The following PPM1L variants were observed in gnomAD, a reference collection of about 807,000 sequenced individuals.
The protein encoded by PPM1L is protein phosphatase, Mg2+/Mn2+ dependent 1L, also known as protein phosphatase 1L.
PPM1L carries 13 observed loss-of-function variants against 31.4 expected under a neutral mutation model. The ratio of observed to expected loss-of-function variants is 0.41; its 90% confidence interval spans 0.27 to 0.66. The LOEUF (loss-of-function observed/expected upper bound fraction) is 0.66. Ranked by LOEUF, PPM1L falls within the 30% of genes least tolerant of loss-of-function variation. The pLI, the probability that PPM1L is intolerant of heterozygous loss-of-function variation, is 0.29. For synonymous variants in PPM1L, 184 were observed against 175.4 expected (o/e 1.05, Z -0.39); for missense variants, 326 against 453.7 (o/e 0.72, Z 2.56).
At chr3:160,990,114 C>G (rs1717083980) in intron 2 of PPM1L, among the ~76,000 whole-genome samples, 2 of 152,186 alleles carry the variant, frequency 1.3e-5, no homozygotes, top group Non-Finnish European at 2.9e-5. Flanking sequence ...CCCGCCTCAG[C>G]CTACCAAGTA....
chr3:160,780,121 C>A (rs1472979373), intron 1 of PPM1L, among the ~76,000 whole-genome samples: 5 of 152,004 alleles, frequency 3.3e-5, no homozygotes, highest in African/African-American at 1.2e-4. Flanking sequence ...AACTCCTGGG[C>A]AAGTGATCCT....
At chr3:160,956,007 T>C (rs1477197131) in intron 1 of PPM1L, among the ~76,000 whole-genome samples, 1 of 152,144 alleles carries the variant, frequency 6.6e-6, no homozygotes, top group Non-Finnish European at 1.5e-5. Context: ...TGAAATATAC[T>C]TTTGCACCAC....
At position 161,069,134 on chromosome 3, in the gene PPM1L, A is replaced by G. The variant is rs1472416508; in HGVS notation, c.1060A>G (p.Ser354Gly). The G allele has an allele frequency of 1.2e-6, 2 of 1,613,746 alleles. No individual in the cohort carries two copies. The highest frequency in any genetic ancestry group is 1.7e-6 in the Non-Finnish European group (2 of 1,179,892). ...AGTCATGGTGGTGAAGTTCAGAAAT[A>G]GCAGCAAAACAGAAGAGCAGTGAAC... ...ITVMVVKFRN[S>G]SKTEEQ is the part of the protein sequence containing the mutation. Residue 354 changes from serine (S) to glycine (G), a missense_variant, in exon 4 of 4, where the codon AGC becomes GGC. This residue lies in a region of PPM1L where 201 missense variants were observed against 298.2 expected (regional missense o/e 0.67). Transcript: ENST00000498165.
intron 2 of PPM1L, among the ~76,000 whole-genome samples, chr3:160,971,711 A>T (rs905974572): frequency 8.5e-5 from 13 of 152,200 alleles, no homozygotes; most frequent in Admixed American, 8.5e-4. Context: ...CTGTGGTTAT[A>T]TGTTGGTGCC....
intron 2 of PPM1L, among the ~76,000 whole-genome samples, chr3:161,046,417 T>C (rs1719071464): frequency 6.6e-6 from 1 of 151,804 alleles, no homozygotes; most frequent in Non-Finnish European, 1.5e-5. Flanking sequence ...AATAGACCAA[T>C]AACAGGCTCT....
chr3:161,016,455 G>A (rs760010577), intron 2 of PPM1L, among the ~76,000 whole-genome samples: 3 of 152,160 alleles, frequency 2.0e-5, no homozygotes, highest in Non-Finnish European at 2.9e-5. Context: ...GTATGATGAT[G>A]CCCTAACCAA....
rs144234778 is a variant in PPM1L, at chr3:161,074,499, A to T, written c.*5342A>T. The T allele has an allele frequency of 4.6e-5, 7 of 152,364 alleles. No homozygotes were observed. Among genetic ancestry groups the T allele is most frequent in the African/African-American group, 1.7e-4 (7 of 41,588 alleles). 9.4% of individuals were successfully genotyped at this position (152,364 alleles called of 1,614,324 possible). On this transcript the variant is annotated 3_prime_UTR_variant, in exon 4 of 4. Transcript: ENST00000498165. ...GCTCATCCTCTGCACATTATCCAAA[A>T]TATTTTAAAAAACTAAAAGTAAGAT...
chr3:161,032,042 T>C (rs1302151116), intron 2 of PPM1L, among the ~76,000 whole-genome samples: 2 of 152,194 alleles, frequency 1.3e-5, no homozygotes, highest in African/African-American at 4.8e-5. Context: ...CATCCCATAC[T>C]CCTTCAGCCC....
At chr3:161,060,686 A>G (rs1281867883) in intron 2 of PPM1L, among the ~76,000 whole-genome samples, 1 of 149,774 alleles carries the variant, frequency 6.7e-6, no homozygotes, top group Non-Finnish European at 1.5e-5. Context: ...AACCTCACTT[A>G]GCTAGGACAT....
At chr3:160,864,239 G>C (rs1311878663) in intron 1 of PPM1L, among the ~76,000 whole-genome samples, 1 of 152,150 alleles carries the variant, frequency 6.6e-6, no homozygotes, top group Non-Finnish European at 1.5e-5. Context: ...TTGGATTGCA[G>C]TGGTGTGATC....
intron 2 of PPM1L, among the ~76,000 whole-genome samples, chr3:161,038,584 T>TAAAAAA (rs1205054779): frequency 9.9e-6 from 1 of 100,760 alleles, no homozygotes; most frequent in Non-Finnish European, 1.8e-5. Context: ...GGGATTTGTT[T>TAAAAAA]TAAAAAAAAA....
intron 1 of PPM1L, among the ~76,000 whole-genome samples, chr3:160,814,637 G>GTA (rs1160207524): frequency 6.8e-6 from 1 of 148,060 alleles, no homozygotes; most frequent in Non-Finnish European, 1.5e-5. Flanking sequence ...GTATGTATGT[G>GTA]TATATATATG....
At chr3:161,060,794 A>G (rs1719550250) in intron 2 of PPM1L, among the ~76,000 whole-genome samples, 1 of 151,492 alleles carries the variant, frequency 6.6e-6, no homozygotes, top group African/African-American at 2.4e-5. Context: ...TAAATTTCCA[A>G]GATCTCTTTC....
chr3:161,048,187 A>T (rs1451309900), intron 2 of PPM1L, among the ~76,000 whole-genome samples: 1 of 152,238 alleles, frequency 6.6e-6, no homozygotes, highest in Non-Finnish European at 1.5e-5. Flanking sequence ...CAATCTACTT[A>T]TCTGACAAAG....
At chr3:160,893,359 A>G (rs1441271795) in intron 1 of PPM1L, among the ~76,000 whole-genome samples, 1 of 152,204 alleles carries the variant, frequency 6.6e-6, no homozygotes. Context: ...TGAATAGTAT[A>G]TAGTGAACAT....
chr3:161,049,838 C>G (rs1488405173), intron 2 of PPM1L, among the ~76,000 whole-genome samples: 1 of 152,196 alleles, frequency 6.6e-6, no homozygotes, highest in African/African-American at 2.4e-5. Flanking sequence ...AGCCTGGTCC[C>G]CTGTACAGTG....
At chr3:160,842,917 T>TAC (rs1314096238) in intron 1 of PPM1L, among the ~76,000 whole-genome samples, 2 of 152,186 alleles carry the variant, frequency 1.3e-5, no homozygotes, top group African/African-American at 4.8e-5. Context: ...TAAATGTATA[T>TAC]GTATTTTTTT....
intron 1 of PPM1L, among the ~76,000 whole-genome samples, chr3:160,811,251 C>T (rs1158564128): frequency 1.3e-5 from 2 of 152,224 alleles, no homozygotes; most frequent in Non-Finnish European, 2.9e-5. Flanking sequence ...TACTGATTCT[C>T]TTCTATCCCC....
At chr3:160,973,275 T>C (rs1021845189) in intron 2 of PPM1L, among the ~76,000 whole-genome samples, 1 of 152,220 alleles carries the variant, frequency 6.6e-6, no homozygotes, top group African/African-American at 2.4e-5. Context: ...AGGGAAGTAG[T>C]GTTACTTCCT....
Sources: gnomAD v4.1 joint callset for allele counts (sites outside exome capture counted in the v4.1 genomes callset) on GRCh38, gnomAD v4.1.1 for gene constraint, gnomAD v4.1.1 regional missense constraint, MANE v1.5 for transcripts, NCBI Gene and HGNC (gene_info 2026-07-23, HGNC 2026-07-21) for gene names.